RPS24: variants seen among roughly 807,000 people sequenced by gnomAD.
RPS24 encodes small ribosomal subunit protein eS24.
For missense variants in RPS24, 100 were observed against 162.5 expected, an observed-to-expected ratio of 0.62 and a Z score of 2.09; for synonymous variants, 72 against 55.6, an observed-to-expected ratio of 1.30 and a Z score of -1.31.
At chr10:78,049,545 C>T (rs111631963) in intron 4 of RPS24, among the ~76,000 whole-genome samples, 3,483 of 152,298 alleles carry the variant, frequency 0.023, 133 homozygotes, top group African/African-American at 0.078. Context: ...ACAGCGTCTT[C>T]GAGGGCCTAG....
At chr10:78,035,238 C>T (rs976628026) in intron 1 of RPS24, 114 bp from the exon 2 acceptor site, 17 of 1,040,780 alleles carry the variant, frequency 1.6e-5, no homozygotes, top group South Asian at 1.5e-4. Context: ...TACTTTAGTT[C>T]GCTACATGAC....
At chr10:78,037,902 C>CTT (rs55902139) in intron 4 of RPS24, 6,425 of 378,630 alleles carry the variant, frequency 0.017, 29 homozygotes, top group South Asian at 0.023. Flanking sequence ...GTTCTGTGAA[C>CTT]TTTTTTTTTT....
intron 4 of RPS24, chr10:78,054,388 C>T: frequency 1.3e-6 from 1 of 780,098 alleles, no homozygotes; most frequent in East Asian, 2.7e-5. Flanking sequence ...GCCCTTCCTT[C>T]AAGCTTTGGC....
In RPS24 at chr10:78,035,735, A is replaced by T; in HGVS notation, c.279+15A>T. 6.3e-7 allele frequency: 1 copy of T among 1,592,694 alleles called. No homozygotes were observed. The highest frequency in any genetic ancestry group is 8.5e-7 in the Non-Finnish European group (1 of 1,174,084). The stretch of plus-strand genomic sequence containing the variant: ...GACTTGCAAGAGTAGGTGTCTTTTC[A>T]TTTGTTGATCAGCTCCTGAAGACCT... On this transcript the variant is annotated intron_variant, in intron 3 of 5. Transcript: ENST00000372360.
downstream of RPS24, among the ~76,000 whole-genome samples, chr10:78,042,658 C>T (rs2131987295): frequency 6.6e-6 from 1 of 152,284 alleles, no homozygotes; most frequent in East Asian, 1.9e-4. Flanking sequence ...CACATCCCTT[C>T]CTTCAGCTTG....
intron 1 of RPS24, 28 bp downstream of exon 1, chr10:78,033,932 T>A: frequency 6.2e-7 from 1 of 1,613,882 alleles, no homozygotes. Flanking sequence ...CGTGCAGTCA[T>A]CTGCCGCGTA....
chr10:78,041,466 C>A (rs1847985643), downstream of RPS24, among the ~76,000 whole-genome samples: 1 of 152,180 alleles, frequency 6.6e-6, no homozygotes, highest in African/African-American at 2.4e-5. Context: ...GGTTCTCTTG[C>A]TAAGGAATCT....
chr10:78,048,885 A>G (rs1848071500), intron 4 of RPS24: 1 of 151,552 alleles, frequency 6.6e-6, no homozygotes, highest in South Asian at 2.1e-4. Context: ...AAAAAAAAAA[A>G]AAAAAAAAAA....
At chr10:78,045,924 C>T (rs1049250592) in intron 4 of RPS24, among the ~76,000 whole-genome samples, 12 of 152,006 alleles carry the variant, frequency 7.9e-5, no homozygotes, top group Non-Finnish European at 1.5e-4. Context: ...ATTGCTTGAA[C>T]CCAGGAGGCG....
intron 4 of RPS24, chr10:78,038,093 A>G (rs1847915625): frequency 6.9e-6 from 4 of 580,020 alleles, no homozygotes; most frequent in Non-Finnish European, 1.1e-5. Context: ...GGTCGATTAT[A>G]ATGCCAGTGC....
At position 78,048,789 on chromosome 10, in the gene RPS24, C is replaced by T. The variant is rs576065937; in HGVS notation, c.391-5742C>T. On this transcript the variant is annotated intron_variant, in intron 4 of 4. Transcript: ENST00000440692. ...GCTCAGGAGGCTGAGGCAGAAGAATCGCTTGAACCTGGGAGAGGGAGGTTG... is the reference window on the plus strand; with the variant it reads ...GCTCAGGAGGCTGAGGCAGAAGAATTGCTTGAACCTGGGAGAGGGAGGTTG... Among the ~76,000 whole-genome samples the T allele has an allele frequency of 1.6e-3, 245 of 149,806 alleles. 1 individual carries two copies. Among genetic ancestry groups the T allele is most frequent in the South Asian group, 2.9e-3 (14 of 4,748 alleles).
At chr10:78,033,992 C>T in intron 1 of RPS24, 88 bp downstream of exon 1, 4 of 1,529,822 alleles carry the variant, frequency 2.6e-6, no homozygotes, top group Non-Finnish European at 2.7e-6. Flanking sequence ...TATAGGCACG[C>T]GAAGCCCGGT....
exon 5 of RPS24, chr10:78,054,769 T>G: frequency 6.4e-7 from 1 of 1,551,614 alleles, no homozygotes; most frequent in Non-Finnish European, 8.7e-7. Flanking sequence ...CAGGCGTGCC[T>G]TTTGGAGAGG....
chr10:78,037,633 C>T (rs182732853), intron 4 of RPS24: 16 of 340,240 alleles, frequency 4.7e-5, no homozygotes, highest in South Asian at 2.9e-4. Context: ...CAATGCAGAG[C>T]GGATCCCATT....
exon 5 of RPS24, chr10:78,055,018 G>A: frequency 6.9e-7 from 1 of 1,457,858 alleles, no homozygotes; most frequent in Non-Finnish European, 9.1e-7. Flanking sequence ...TAATGTCACT[G>A]CCATGGCCGC....
downstream of RPS24, among the ~76,000 whole-genome samples, chr10:78,044,641 C>T (rs1213680517): frequency 4.0e-5 from 6 of 151,760 alleles, no homozygotes; most frequent in East Asian, 9.7e-4. Context: ...GAACTTCCCG[C>T]ATGCCAGATG....
chr10:78,052,034 T>A (rs548710231), intron 4 of RPS24, among the ~76,000 whole-genome samples: 2 of 152,074 alleles, frequency 1.3e-5, no homozygotes, highest in Non-Finnish European at 2.9e-5. Context: ...TTTATTTATT[T>A]ATTTATTTTG....
At chr10:78,035,925 G>T in intron 3 of RPS24, 1 of 582,900 alleles carries the variant, frequency 1.7e-6, no homozygotes, top group Non-Finnish European at 3.1e-6. Context: ...GTTCAGAAGG[G>T]CAGCTGAAGT....
At chr10:78,047,197 G>A (rs140268371) in intron 4 of RPS24, among the ~76,000 whole-genome samples, 11 of 151,530 alleles carry the variant, frequency 7.3e-5, no homozygotes, top group East Asian at 5.8e-4. Context: ...AACTCCTGAC[G>A]TCAGGTGATC....
Sources: gnomAD v4.1 joint callset for allele counts (sites outside exome capture counted in the v4.1 genomes callset) on GRCh38, gnomAD v4.1.1 for gene constraint, MANE v1.5 for transcripts, NCBI Gene and HGNC (gene_info 2026-07-23, HGNC 2026-07-21) for gene names.